Variants in FAAP20 observed in about 807,000 individuals in gnomAD.
FAAP20 encodes Fanconi anemia core complex-associated protein 20.
A neutral mutation model predicts 16.2 loss-of-function variants in FAAP20; 12 were observed. The ratio of observed to expected loss-of-function variants is 0.74; its 90% CI spans 0.48 to 1.20. FAAP20 has a LOEUF of 1.20. Among genes scored for constraint, FAAP20 ranks in the 50% most tolerant of loss-of-function variants. The probability of loss-of-function intolerance (pLI) is 0.00; values close to 1 mark genes in which losing one functional copy is unlikely to be tolerated. For missense variants in FAAP20, 288 were observed against 245.8 expected (o/e 1.17, Z -1.15); for synonymous variants, 141 against 110.7 (o/e 1.27, Z -1.72).
upstream of FAAP20, chr1:2,198,724 A>G: frequency 7.8e-7 from 1 of 1,274,318 alleles, no homozygotes; most frequent in Non-Finnish European, 1.0e-6. Flanking sequence ...ATGGCCCAGC[A>G]CCCACACACG....
At chr1:2,193,335 C>T (rs755476272) in intron 3 of FAAP20, 9 of 514,134 alleles carry the variant, frequency 1.8e-5, no homozygotes, top group Non-Finnish European at 2.7e-5. Context: ...GGCCTGGGGA[C>T]GCTGGTGCCA....
chr1:2,196,191 G>T (rs1359535938), upstream of FAAP20, among the ~76,000 whole-genome samples: 1 of 152,200 alleles, frequency 6.6e-6, no homozygotes, highest in African/African-American at 2.4e-5. The surrounding 1 kb of genome is among the most constrained non-coding windows in gnomAD (Gnocchi z 4.5). Context: ...CGAGCTTCTG[G>T]GTCTTTCCTG....
At chr1:2,194,829 C>T (rs2100705068), upstream of FAAP20, 1 of 1,078,562 alleles carries the variant, frequency 9.3e-7, no homozygotes, top group South Asian at 4.4e-5. Flanking sequence ...GCCCCGCCTC[C>T]AGACCTCTGC....
chr1:2,204,840 G>A (rs1198797131), upstream of FAAP20, among the ~76,000 whole-genome samples: 5 of 151,746 alleles, frequency 3.3e-5, no homozygotes, highest in Non-Finnish European at 7.4e-5. Context: ...TAGCTCTCCA[G>A]CCTGGTTCCT....
At chr1:2,199,709 A>G (rs1688970116), upstream of FAAP20, 34 of 882,414 alleles carry the variant, frequency 3.9e-5, no homozygotes, top group Non-Finnish European at 4.2e-5. This position sits in a 1 kb window ranked among gnomAD's most constrained non-coding sequence, Gnocchi z 4.5. Flanking sequence ...GTCTGTGCCG[A>G]TATAATCAAA....
At chr1:2,188,649 CG>C (rs1687818887), downstream of FAAP20, among the ~76,000 whole-genome samples, 1 of 152,152 alleles carries the variant, frequency 6.6e-6, no homozygotes. Context: ...CCGCAGCACA[CG>C]GTGGCAGGAG....
In FAAP20 at chr1:2,194,727, C is replaced by G. The variant is rs1472443414; in HGVS notation, c.23G>C (p.Arg8Pro). ...CGGCCTCCGGCGGCTCAACCCCAGC[C>G]GCGGCCTCCGCGCCGCCTCCATCCA... MEAARRP[R>P]LGLSRRRPRP... The change falls in exon 1 of 4, where the codon CGG (arginine) becomes CCG (proline). Residue 8 changes from arginine (R) to proline (P), a missense_variant. Physicochemically the swap from Arg to Pro is moderately radical, Grantham distance 103. Coordinates refer to ENST00000378546, the MANE Select transcript of FAAP20 (RefSeq NM_182533.4). The G allele has an allele frequency of 5.0e-6, 6 of 1,192,586 alleles. No homozygotes were observed. The highest frequency in any genetic ancestry group is 6.2e-6 in the Non-Finnish European group (6 of 964,828). 73.9% of individuals were successfully genotyped at this position (1,192,586 alleles called of 1,614,324 possible).
At chr1:2,194,874 C>T (rs989341207), upstream of FAAP20, 1 of 891,626 alleles carries the variant, frequency 1.1e-6, no homozygotes, top group Non-Finnish European at 1.4e-6. Context: ...AGTCGGAACC[C>T]CAGGGGCCCT....
upstream of FAAP20, chr1:2,198,837 C>G (rs190527875): frequency 1.6e-6 from 2 of 1,289,788 alleles, no homozygotes; most frequent in Non-Finnish European, 2.0e-6. Flanking sequence ...CCTGCTGGCC[C>G]GTGGATGCCA....
chr1:2,186,168 C>G (rs937645018), downstream of FAAP20: 18 of 424,674 alleles, frequency 4.2e-5, no homozygotes, highest in Middle Eastern at 3.5e-4. Context: ...GTGGAAATTG[C>G]CACGCAGCCC....
chr1:2,190,513 C>G (rs1182271238), intron 3 of FAAP20: 2 of 427,180 alleles, frequency 4.7e-6, no homozygotes, highest in Non-Finnish European at 9.5e-6. Flanking sequence ...ATCAGCCCAA[C>G]TGGAGCGGCT....
downstream of FAAP20, chr1:2,187,145 C>T (rs917220696): frequency 1.5e-5 from 7 of 469,952 alleles, no homozygotes; most frequent in Non-Finnish European, 2.2e-5. Flanking sequence ...GCCGGCTCTC[C>T]TGTGGATGAC....
chr1:2,207,397 G>C (rs1689301518), downstream of FAAP20, among the ~76,000 whole-genome samples: 1 of 152,198 alleles, frequency 6.6e-6, no homozygotes, highest in Non-Finnish European at 1.5e-5. Context: ...TGAGAACAGT[G>C]AGCCCGCAAG....
chr1:2,189,367 C>G (rs2100637911), downstream of FAAP20, among the ~76,000 whole-genome samples: 1 of 151,930 alleles, frequency 6.6e-6, no homozygotes, highest in South Asian at 2.1e-4. Context: ...CGTGACTGCA[C>G]ATGAGCTAAC....
chr1:2,192,986 A>G (rs1351684049), intron 3 of FAAP20: 1 of 1,303,906 alleles, frequency 7.7e-7, no homozygotes, highest in Non-Finnish European at 1.0e-6. Context: ...CTGGAAGACC[A>G]GGGGCATCAG....
chr1:2,194,813 G>A (rs1395734905), upstream of FAAP20: 5 of 587,956 alleles, frequency 8.5e-6, no homozygotes, highest in Non-Finnish European at 9.7e-6. Context: ...CCCCGCCCCC[G>A]CCCCGGCCCC....
upstream of FAAP20, among the ~76,000 whole-genome samples, chr1:2,201,455 C>G (rs1056569939): frequency 6.6e-6 from 1 of 152,196 alleles, no homozygotes; most frequent in Non-Finnish European, 1.5e-5. Context: ...CACGGTGGCT[C>G]ACACCTGTCA....
chr1:2,198,480 G>C (rs1054784746), upstream of FAAP20: 8 of 422,904 alleles, frequency 1.9e-5, no homozygotes, highest in Non-Finnish European at 3.2e-5. Flanking sequence ...CACCGCGGAA[G>C]AACAAGTGTC....
intron 3 of FAAP20, chr1:2,191,345 A>C (rs1256210792): frequency 3.3e-5 from 5 of 152,234 alleles, no homozygotes. Flanking sequence ...GCTGCAGGAC[A>C]GTGGGGGCTC....
Sources: allele counts gnomAD v4.1 joint callset (sites outside exome capture counted in the v4.1 genomes callset), GRCh38; gene constraint gnomAD v4.1.1; non-coding constraint Gnocchi (gnomAD v3.1); transcripts MANE v1.5; gene names NCBI Gene and HGNC (gene_info 2026-07-23, HGNC 2026-07-21).